The following OPTN variants were observed in gnomAD, a reference collection of about 807,000 sequenced individuals.
The protein encoded by OPTN is optineurin.
Under a neutral mutation model 70.4 loss-of-function variants are expected in OPTN, and 54 were observed. The observed-to-expected ratio is 0.77, with a 90% confidence interval of 0.62 to 0.96. The LOEUF (loss-of-function observed/expected upper bound fraction) is 0.96. Ranked by LOEUF, OPTN falls within the 40% of genes least tolerant of loss-of-function variation. The probability of loss-of-function intolerance (pLI) is 0.00; values close to 1 mark genes in which losing one functional copy is unlikely to be tolerated. For missense variants in OPTN, 624 were observed against 673.2 expected (o/e 0.93, Z 0.81); for synonymous variants, 256 against 248.5 (o/e 1.03, Z -0.28).
intron 3 of OPTN, 174 bp from the exon 4 acceptor site, chr10:13,110,100 C>T (rs950574109): frequency 8.2e-7 from 1 of 1,221,392 alleles, no homozygotes; most frequent in Non-Finnish European, 1.1e-6. Flanking sequence ...TCCCGCTAGT[C>T]TTTTCTGTAA....
At chr10:13,105,186 A>G (rs532691190) in intron 1 of OPTN, among the ~76,000 whole-genome samples, 2 of 152,328 alleles carry the variant, frequency 1.3e-5, no homozygotes, top group East Asian at 3.9e-4. Flanking sequence ...ATGTTTGATG[A>G]CATTTGAATT....
chr10:13,115,240 T>G (rs1181143237), intron 5 of OPTN, among the ~76,000 whole-genome samples: 971 of 86,220 alleles, frequency 0.011, 48 homozygotes, highest in African/African-American at 0.034. Context: ...GATATATCTA[T>G]ATATATCTAT....
chr10:13,135,527 C>T (rs1833680925), intron 14 of OPTN, among the ~76,000 whole-genome samples: 1 of 151,844 alleles, frequency 6.6e-6, no homozygotes, highest in African/African-American at 2.4e-5. Flanking sequence ...CACCCTTGCA[C>T]CTAACACTCA....
At position 13,133,525 on chromosome 10, in the gene OPTN, G is replaced by A. The variant is rs745350388; in HGVS notation, c.1556G>A (p.Ser519Asn). Residue 519 changes from serine (S) to asparagine (N), a missense_variant, in exon 14 of 15, where the codon AGT becomes AAT. Coordinates refer to ENST00000378747, the MANE Select transcript of OPTN (RefSeq NM_001008212.2). Reference sequence around the variant, plus strand: ...AGGCAGTCCTTGATGGAGATGCAGAGTCGTCATGGGGCGAGAACAAGTGAC... The same window carrying A: ...AGGCAGTCCTTGATGGAGATGCAGAATCGTCATGGGGCGAGAACAAGTGAC... ...GGRQSLMEMQ[S>N]RHGARTSDSD... The A allele has an allele frequency of 3.8e-5, 62 of 1,613,994 alleles. No homozygotes were observed. In the South Asian group the frequency reaches 6.7e-4, roughly 17 times the overall value.
chr10:13,105,017 C>T (rs1832835572), intron 1 of OPTN, among the ~76,000 whole-genome samples: 1 of 151,888 alleles, frequency 6.6e-6, no homozygotes, highest in Non-Finnish European at 1.5e-5. Flanking sequence ...CTGGGCTGAT[C>T]TCAAACTCCT....
chr10:13,110,617 G>A, intron 4 of OPTN, 141 bp downstream of exon 4: 2 of 852,032 alleles, frequency 2.3e-6, no homozygotes, highest in Non-Finnish European at 1.9e-6. Context: ...TGGAAGAAGT[G>A]CTTTTGCTGA....
chr10:13,109,292 A>G lies in OPTN; in HGVS notation c.166+4A>G. ...ACCGAGAACCACCAGCTGAAAGGTG[A>G]GCAGGGCTGGCCCCTGTGTGCCCCA... On this transcript the variant is annotated splice_donor_region_variant and intron_variant, in intron 3 of 14. Coordinates refer to ENST00000378747, the MANE Select transcript of OPTN (RefSeq NM_001008212.2). 6.2e-7 allele frequency: 1 copy of G among 1,613,840 alleles called. No individual in the cohort carries two copies. The highest frequency in any genetic ancestry group is 8.5e-7 in the Non-Finnish European group (1 of 1,179,894).
Position 13,100,314 on chromosome 10 carries a change from CA to C in OPTN, c.-164+13del, listed in dbSNP as rs1832710443. On this transcript the variant is annotated intron_variant, in intron 1 of 14. Coordinates refer to ENST00000378747, the MANE Select transcript of OPTN (RefSeq NM_001008212.2). ...AAGCCGGGCGGCAGGTGAGCCAGGGCAGGGGGCTGCAGCGGTGGGCGAGGGG... is the reference window on the plus strand; with the variant it reads ...AAGCCGGGCGGCAGGTGAGCCAGGGCGGGGGCTGCAGCGGTGGGCGAGGGG... The C allele has an allele frequency of 6.6e-6, 1 of 152,426 alleles. No homozygotes were observed. The highest frequency in any genetic ancestry group is 2.4e-5 in the African/African-American group (1 of 41,472). 9.4% of individuals were successfully genotyped at this position (152,426 alleles called of 1,614,324 possible).
At position 13,109,230 on chromosome 10, in the gene OPTN, C is replaced by G. The variant is rs745884191; in HGVS notation, c.108C>G (p.Thr36=). 1.9e-6 allele frequency: 3 copies of G among 1,613,978 alleles called. No homozygotes were observed. The South Asian group carries it at 3.3e-5, about 18-fold the overall frequency. Residue 36 remains threonine, a synonymous_variant, in exon 3 of 15, where the codon ACC becomes ACG. Transcript: ENST00000378747. ...CCCACCCAAACCTGGACACGTTTAC[C>G]CCGGAGGAGCTGCTGCAGCAGATGA... The part of the protein sequence containing the change: ...HLAHPNLDTF[T]PEELLQQMKE...
intron 7 of OPTN, among the ~76,000 whole-genome samples, chr10:13,119,454 G>C (rs1029397047): frequency 1.3e-5 from 2 of 152,130 alleles, no homozygotes; most frequent in African/African-American, 4.8e-5. Context: ...TCATTCATCA[G>C]TTGATAAACA....
intron 5 of OPTN, among the ~76,000 whole-genome samples, chr10:13,114,407 C>A (rs1191630712): frequency 6.6e-6 from 1 of 151,990 alleles, no homozygotes; most frequent in Non-Finnish European, 1.5e-5. Flanking sequence ...AGAAACTTAC[C>A]CTTCTGTCAA....
chr10:13,137,044 T>G lies in OPTN; in HGVS notation c.*178T>G. ...CCTGTAATCCCAGCACTTTGGGAGGTCGAGGTGGGTGGATCACTTGGGGTC... is the reference window on the plus strand; with the variant it reads ...CCTGTAATCCCAGCACTTTGGGAGGGCGAGGTGGGTGGATCACTTGGGGTC... On this transcript the variant is annotated 3_prime_UTR_variant, in exon 15 of 15. Coordinates refer to ENST00000378747, the MANE Select transcript of OPTN (RefSeq NM_001008212.2). The G allele has an allele frequency of 1.4e-6, 1 of 737,522 alleles. No homozygotes were observed. The allele number at this position is 737,522 out of a possible 1,614,324, so 45.7% of individuals were successfully genotyped here.
rs777195053 is a variant in OPTN, at chr10:13,132,146, T to G, written c.1481T>G (p.Leu494Trp). The G allele has an allele frequency of 5.0e-6, 8 of 1,613,548 alleles. No homozygotes were observed. In the East Asian group the frequency reaches 1.8e-4, roughly 36 times the overall value. The change falls in exon 13 of 15, where the codon TTG becomes TGG. Residue 494 changes from leucine (L) to tryptophan (W), a missense_variant. Transcript: ENST00000378747. ...KIHEEKEQLA[L>W]QLAVLLKEND... ...CATGAGGAAAAGGAGCAACTGGCAT[T>G]GCAGCTGGCAGTTCTGCTGAAAGAG... is the stretch of plus-strand genomic sequence containing the variant.
At position 13,109,227 on chromosome 10, in the gene OPTN, T is replaced by C. The variant is rs776801271; in HGVS notation, c.105T>C (p.Phe35=). The C allele has an allele frequency of 1.2e-6, 2 of 1,613,954 alleles. No homozygotes were observed. Among genetic ancestry groups the C allele is most frequent in the Non-Finnish European group, 1.7e-6 (2 of 1,179,964 alleles). Residue 35 remains phenylalanine, a synonymous_variant, in exon 3 of 15, where the codon TTT becomes TTC. Transcript: ENST00000378747. ...TGGCCCACCCAAACCTGGACACGTTTACCCCGGAGGAGCTGCTGCAGCAGA... is the reference window on the plus strand; with the variant it reads ...TGGCCCACCCAAACCTGGACACGTTCACCCCGGAGGAGCTGCTGCAGCAGA... ...PHLAHPNLDT[F]TPEELLQQMK...
chr10:13,117,268 G>C (rs1275541502), intron 6 of OPTN, among the ~76,000 whole-genome samples: 1 of 151,510 alleles, frequency 6.6e-6, no homozygotes, highest in Non-Finnish European at 1.5e-5. Context: ...TTTTAGTAGA[G>C]ATGGGGTTTC....
rs1833248395 is a variant in OPTN, at chr10:13,117,568, TCCG to T, written c.626+1229_626+1231del. Among the ~76,000 whole-genome samples, 18 of 150,952 alleles carry T rather than the reference TCCG, an allele frequency of 1.2e-4. No individual in the cohort carries two copies. In the Admixed American group the frequency reaches 1.2e-3, roughly 10 times the overall value. ...ACAAGCAGTTCTCCTGCCTCAGCCTTCCGAGTAGCTGGGAATACAGGTGGCCGC... is the reference window on the plus strand; with the variant it reads ...ACAAGCAGTTCTCCTGCCTCAGCCTTAGTAGCTGGGAATACAGGTGGCCGC... On this transcript the variant is annotated intron_variant, in intron 6 of 14. Transcript: ENST00000378747.
At chr10:13,111,214 C>A (rs2131485102) in intron 4 of OPTN, among the ~76,000 whole-genome samples, 1 of 152,206 alleles carries the variant, frequency 6.6e-6, no homozygotes, top group South Asian at 2.1e-4. Context: ...ACGTTTTTTC[C>A]TTCCTTTCTG....
In OPTN at chr10:13,132,340, C is replaced by T. The variant is rs557815579; in HGVS notation, c.1532+143C>T. On this transcript the variant is annotated intron_variant, in intron 13 of 14. Transcript: ENST00000378747. Reference sequence around the variant, plus strand: ...TCCTGCCTAGGTGACAGAGCGAGTCCCCTGTCTGAAAAATAAATAATAATA... The same window carrying T: ...TCCTGCCTAGGTGACAGAGCGAGTCTCCTGTCTGAAAAATAAATAATAATA... 105 of 700,640 alleles carry T rather than the reference C, an allele frequency of 1.5e-4. 1 individual carries two copies. In the South Asian group the frequency reaches 1.9e-3, roughly 13 times the overall value. 43.4% of individuals were successfully genotyped at this position (700,640 alleles called of 1,614,324 possible).
chr10:13,109,355 C>A, intron 3 of OPTN, 67 bp downstream of exon 3: 1 of 1,528,490 alleles, frequency 6.5e-7, no homozygotes, highest in Non-Finnish European at 9.1e-7. Context: ...TCCCTTTGCA[C>A]TAAGGCTTGG....
Sources: allele counts gnomAD v4.1 joint callset (sites outside exome capture counted in the v4.1 genomes callset), GRCh38; gene constraint gnomAD v4.1.1; transcripts MANE v1.5; gene names NCBI Gene and HGNC (gene_info 2026-07-23, HGNC 2026-07-21).